IMMP2L: variants seen among roughly 807,000 people sequenced by gnomAD.
IMMP2L encodes the protein mitochondrial inner membrane protease subunit 2.
In IMMP2L, 18 loss-of-function variants were observed where a neutral mutation model predicts 19.3. That is an observed-to-expected ratio of 0.93 (90% CI 0.64 to 1.38). IMMP2L has a LOEUF of 1.38. IMMP2L is among the 40% of genes most tolerant of loss of function. The pLI, the probability that IMMP2L is intolerant of heterozygous loss-of-function variation, is 0.00. For missense variants in IMMP2L, 233 were observed against 218.2 expected (o/e 1.07, Z -0.43); for synonymous variants, 76 against 73.0 (o/e 1.04, Z -0.21).
chr7:110,874,587 C>T (rs1044652493), intron 5 of IMMP2L, among the ~76,000 whole-genome samples: 2 of 151,816 alleles, frequency 1.3e-5, no homozygotes, highest in African/African-American at 4.8e-5. Flanking sequence ...AATGTTCTTC[C>T]ATCTAAAAAA....
intron 4 of IMMP2L, among the ~76,000 whole-genome samples, chr7:110,951,442 G>C (rs1199557744): frequency 6.6e-6 from 1 of 151,646 alleles, no homozygotes; most frequent in Non-Finnish European, 1.5e-5. Flanking sequence ...AAGGCATTCT[G>C]TTAAGCTCTG....
At position 110,757,748 on chromosome 7, in the gene IMMP2L, T is replaced by C. The variant is rs1264098352; in HGVS notation, c.409-94027A>G. Among the ~76,000 whole-genome samples the C allele has an allele frequency of 6.6e-6, 1 of 152,120 alleles. No individual in the cohort carries two copies. Among genetic ancestry groups the C allele is most frequent in the Non-Finnish European group, 1.5e-5 (1 of 68,004 alleles). The stretch of plus-strand genomic sequence containing the variant: ...TCCCTGCCCATACCTTTGTTAAATC[T>C]TTCTTAAATTTTTCTACTTTGAGTT... On this transcript the variant is annotated intron_variant, in intron 5 of 5. Coordinates refer to ENST00000405709, the MANE Select transcript of IMMP2L (RefSeq NM_032549.4). This position sits in a 1 kb window ranked among gnomAD's most constrained non-coding sequence, Gnocchi z 4.2.
At chr7:111,125,041 C>A in intron 3 of IMMP2L, 1 of 634,950 alleles carries the variant, frequency 1.6e-6, no homozygotes. Flanking sequence ...TTAAGCTTCA[C>A]CAATGCTGCT....
At chr7:111,332,876 T>G (rs2130685799) in intron 3 of IMMP2L, among the ~76,000 whole-genome samples, 1 of 152,230 alleles carries the variant, frequency 6.6e-6, no homozygotes, top group Non-Finnish European at 1.5e-5. Context: ...AAAAGGCTCC[T>G]TGCGATGGTT....
chr7:110,816,171 G>C (rs1486031222), intron 5 of IMMP2L, among the ~76,000 whole-genome samples: 2 of 152,116 alleles, frequency 1.3e-5, no homozygotes, highest in African/African-American at 2.4e-5. Flanking sequence ...TTGTGTTTTT[G>C]TTCTCATTGG....
rs992595121 is a variant in IMMP2L, at chr7:110,881,446, C to A, written c.408+5147G>T. ...AACAAAAACCATAAAACTATTGTTA[C>A]CAATATTTTTCTATAAAATACAGAT... On this transcript the variant is annotated intron_variant, in intron 5 of 5. Coordinates refer to ENST00000405709, the MANE Select transcript of IMMP2L (RefSeq NM_032549.4). Among the ~76,000 whole-genome samples the A allele has an allele frequency of 1.1e-3, 172 of 152,140 alleles. 1 individual carries two copies. The highest frequency in any genetic ancestry group is 4.0e-3 in the African/African-American group (165 of 41,516).
intron 3 of IMMP2L, among the ~76,000 whole-genome samples, chr7:111,172,013 CTGATT>C (rs1806502435): frequency 6.6e-6 from 1 of 151,020 alleles, no homozygotes; most frequent in Admixed American, 6.6e-5. Flanking sequence ...AATTTATTCT[CTGATT>C]TAACAGAAAA....
At chr7:111,079,361 C>T (rs1418245329) in intron 3 of IMMP2L, among the ~76,000 whole-genome samples, 1 of 152,084 alleles carries the variant, frequency 6.6e-6, no homozygotes, top group Non-Finnish European at 1.5e-5. Context: ...TCGTGATCCA[C>T]CCACCTCGGC....
At chr7:111,012,201 T>G (rs1053602012) in intron 3 of IMMP2L, among the ~76,000 whole-genome samples, 2 of 152,176 alleles carry the variant, frequency 1.3e-5, no homozygotes, top group African/African-American at 4.8e-5. Context: ...TGGCTAATTT[T>G]CATATGCACC....
intron 3 of IMMP2L, among the ~76,000 whole-genome samples, chr7:111,321,855 A>C (rs1457356377): frequency 1.3e-5 from 2 of 152,012 alleles, no homozygotes; most frequent in Admixed American, 6.6e-5. Flanking sequence ...GTCTTTTCAA[A>C]GGACTGTAAA....
At chr7:110,778,789 A>G (rs1799556620) in intron 5 of IMMP2L, among the ~76,000 whole-genome samples, 1 of 151,890 alleles carries the variant, frequency 6.6e-6, no homozygotes, top group Admixed American at 6.6e-5. Flanking sequence ...TTTTTTCCAA[A>G]TACTATTCAG....
At chr7:111,151,177 A>G (rs1804029547) in intron 3 of IMMP2L, among the ~76,000 whole-genome samples, 1 of 152,226 alleles carries the variant, frequency 6.6e-6, no homozygotes, top group South Asian at 2.1e-4. Flanking sequence ...AGAAAGTTCA[A>G]TCAGCATTTG....
At chr7:110,680,695 CT>C (rs1026186649) in intron 5 of IMMP2L, among the ~76,000 whole-genome samples, 3 of 152,138 alleles carry the variant, frequency 2.0e-5, no homozygotes, top group African/African-American at 7.2e-5. Flanking sequence ...AAATAAATGT[CT>C]TCTTCTATTG....
chr7:110,895,082 C>T (rs78422225), intron 4 of IMMP2L, among the ~76,000 whole-genome samples: 1 of 152,160 alleles, frequency 6.6e-6, no homozygotes, highest in East Asian at 1.9e-4. Context: ...TTCCACGTGG[C>T]TCGGGAGGCC....
intron 3 of IMMP2L, among the ~76,000 whole-genome samples, chr7:111,304,531 T>C (rs1347025306): frequency 6.6e-6 from 1 of 151,994 alleles, no homozygotes; most frequent in South Asian, 2.1e-4. Context: ...TATACATATA[T>C]ATAACGTGTG....
chr7:110,809,717 C>T (rs2131263918), intron 5 of IMMP2L, among the ~76,000 whole-genome samples: 1 of 152,060 alleles, frequency 6.6e-6, no homozygotes, highest in South Asian at 2.1e-4. Context: ...CTGAAATAAA[C>T]AATTACTACA....
At chr7:111,254,206 A>G (rs1816451137) in intron 3 of IMMP2L, among the ~76,000 whole-genome samples, 1 of 150,954 alleles carries the variant, frequency 6.6e-6, no homozygotes, top group Admixed American at 6.6e-5. Flanking sequence ...TAAAATGTAA[A>G]GTTGCTTGTC....
rs142044765 is a variant in IMMP2L at position 111,538,863 on chromosome 7, G to A, written c.-2-17414C>T. ...AGGCTGGGCACAGTGGCTCACGGCTGTAATCCCAGAATTTTGGGAGGCTGA... is the reference window on the plus strand; with the variant it reads ...AGGCTGGGCACAGTGGCTCACGGCTATAATCCCAGAATTTTGGGAGGCTGA... On this transcript the variant is annotated intron_variant, in intron 1 of 5. Transcript: ENST00000405709. 8.2e-3 allele frequency among the ~76,000 whole-genome samples: 1,214 copies of A among 147,862 alleles called. 18 individuals carry two copies. The highest frequency in any genetic ancestry group is 0.029 in the African/African-American group (1,151 of 39,974).
At chr7:111,472,916 C>A (rs1841392108) in intron 3 of IMMP2L, among the ~76,000 whole-genome samples, 1 of 147,856 alleles carries the variant, frequency 6.8e-6, no homozygotes, top group African/African-American at 2.5e-5. Flanking sequence ...GCCAACATGG[C>A]GAAACCAAGT....
Sources: allele counts gnomAD v4.1 joint callset (sites outside exome capture counted in the v4.1 genomes callset), GRCh38; gene constraint gnomAD v4.1.1; non-coding constraint Gnocchi (gnomAD v3.1); transcripts MANE v1.5; gene names NCBI Gene and HGNC (gene_info 2026-07-23, HGNC 2026-07-21).